GALNT18: variants seen among roughly 807,000 people sequenced by gnomAD.
The protein encoded by GALNT18 is GalNAc-transferase 18.
A neutral mutation model predicts 69.5 loss-of-function variants in GALNT18; 44 were observed. The observed-to-expected ratio is 0.63, with a 90% CI of 0.50 to 0.81. The LOEUF (loss-of-function observed/expected upper bound fraction) is 0.81. Ranked by LOEUF, GALNT18 falls within the 40% of genes least tolerant of loss-of-function variation. GALNT18 has a pLI of 0.00. For synonymous variants in GALNT18, 364 were observed against 318.2 expected, an observed-to-expected ratio of 1.14 and a Z score of -1.53; for missense variants, 715 against 810.0, an observed-to-expected ratio of 0.88 and a Z score of 1.42.
rs1273737736 is a variant in GALNT18 at position 11,602,655 on chromosome 11, GTTGT to G, written c.235+18700_235+18703del. Among the ~76,000 whole-genome samples the G allele has an allele frequency of 6.6e-6, 1 of 152,174 alleles. No individual in the cohort carries two copies. The highest frequency in any genetic ancestry group is 2.4e-5 in the African/African-American group (1 of 41,430). The stretch of plus-strand genomic sequence containing the variant: ...CAATTTCCAGGGACTTTAGATGGGT[GTTGT>G]TTAATAATTTTTACCAGTTATGTTG... On this transcript the variant is annotated intron_variant, in intron 1 of 10. Coordinates refer to ENST00000227756, the MANE Select transcript of GALNT18 (RefSeq NM_198516.3). This position sits in a 1 kb window ranked among gnomAD's most constrained non-coding sequence, Gnocchi z 4.7.
chr11:11,531,459 G>T (rs555495027), intron 1 of GALNT18, among the ~76,000 whole-genome samples: 1 of 152,316 alleles, frequency 6.6e-6, no homozygotes, highest in South Asian at 2.1e-4. Context: ...CATACGCATC[G>T]GGCTGGTTAC....
At chr11:11,509,723 T>C (rs1857132575) in intron 1 of GALNT18, among the ~76,000 whole-genome samples, 2 of 152,258 alleles carry the variant, frequency 1.3e-5, no homozygotes. Context: ...GCCTAGCCAC[T>C]GGCAGAGAGC....
chr11:11,338,225 C>G lies in GALNT18; in HGVS notation c.1278+2594G>C, dbSNP rs1412787191. On this transcript the variant is annotated intron_variant, in intron 7 of 10. Coordinates refer to ENST00000227756, the MANE Select transcript of GALNT18 (RefSeq NM_198516.3). This position sits in a 1 kb window ranked among gnomAD's most constrained non-coding sequence, Gnocchi z 5.3. ...CCAAGTGATTCACCCACCTCAGCCT[C>G]CCAAAGTGCTGGCATTACAGGCATG... Among the ~76,000 whole-genome samples, 1 of 152,176 alleles carries G rather than the reference C, an allele frequency of 6.6e-6. No individual in the cohort carries two copies. Among genetic ancestry groups the G allele is most frequent in the African/African-American group, 2.4e-5 (1 of 41,446 alleles).
chr11:11,466,753 A>C (rs1856163875), intron 1 of GALNT18, among the ~76,000 whole-genome samples: 2 of 152,192 alleles, frequency 1.3e-5, no homozygotes, highest in Admixed American at 1.3e-4. Flanking sequence ...TTTTTCTATC[A>C]GAGAGGTTGG....
Position 11,599,627 on chromosome 11 carries a change from T to G in GALNT18, c.235+21732A>C, listed in dbSNP as rs558289644. On this transcript the variant is annotated intron_variant, in intron 1 of 10. Transcript: ENST00000227756. ...TAATATTAATATAGTTGGGTTTATATCTGAAATTTTACTTTTTGTTTTCTA... is the reference window on the plus strand; with the variant it reads ...TAATATTAATATAGTTGGGTTTATAGCTGAAATTTTACTTTTTGTTTTCTA... Among the ~76,000 whole-genome samples, 5 of 152,130 alleles carry G rather than the reference T, an allele frequency of 3.3e-5. 1 individual carries two copies. The highest frequency in any genetic ancestry group is 1.2e-4 in the African/African-American group (5 of 41,552).
chr11:11,445,817 C>T (rs1314892454), intron 2 of GALNT18, among the ~76,000 whole-genome samples: 2 of 152,118 alleles, frequency 1.3e-5, no homozygotes, highest in Non-Finnish European at 2.9e-5. Flanking sequence ...TGTGGAAGCT[C>T]CACAGACTGT....
chr11:11,355,853 C>T (rs1850519395), intron 6 of GALNT18, among the ~76,000 whole-genome samples: 1 of 152,134 alleles, frequency 6.6e-6, no homozygotes, highest in African/African-American at 2.4e-5. Flanking sequence ...TGAACTTTCC[C>T]AAACTAGACA....
intron 6 of GALNT18, among the ~76,000 whole-genome samples, chr11:11,342,661 C>T (rs1483810659): frequency 6.6e-6 from 1 of 152,204 alleles, no homozygotes; most frequent in Non-Finnish European, 1.5e-5. Context: ...CTAACATCCT[C>T]ATTGAGCGTC....
At chr11:11,492,627 G>A (rs1032771669) in intron 1 of GALNT18, among the ~76,000 whole-genome samples, 1 of 151,842 alleles carries the variant, frequency 6.6e-6, no homozygotes, top group South Asian at 2.1e-4. Flanking sequence ...AACCATCATT[G>A]TCAGCAAACT....
chr11:11,522,349 C>T (rs746493895), intron 1 of GALNT18, among the ~76,000 whole-genome samples: 6 of 152,162 alleles, frequency 3.9e-5, no homozygotes, highest in African/African-American at 9.7e-5. Flanking sequence ...TTCCAGTGGC[C>T]GACAGGACTT....
chr11:11,621,439 A>C lies in GALNT18; in HGVS notation c.155T>G (p.Leu52Arg). 1.2e-6 allele frequency: 2 copies of C among 1,614,036 alleles called. No homozygotes were observed. The highest frequency in any genetic ancestry group is 1.7e-6 in the Non-Finnish European group (2 of 1,179,992). Reference protein sequence around the residue: ...RGQEPAPDKKLEEDKGDTLKI... With the variant: ...RGQEPAPDKKREEDKGDTLKI... ...CAGAGTGTCCCCTTTGTCTTCCTCC[A>C]GCTTCTTGTCGGGCGCCGGCTCCTG... Residue 52 changes from leucine (L) to arginine (R), a missense_variant, in exon 1 of 11, where the codon CTG becomes CGG. Physicochemically the swap from Leu to Arg is moderately radical, Grantham distance 102. Coordinates refer to ENST00000227756, the MANE Select transcript of GALNT18 (RefSeq NM_198516.3). This position sits in a 1 kb window ranked among gnomAD's most constrained non-coding sequence, Gnocchi z 9.3.
At chr11:11,539,988 T>C (rs908836461) in intron 1 of GALNT18, among the ~76,000 whole-genome samples, 1 of 152,090 alleles carries the variant, frequency 6.6e-6, no homozygotes, top group Non-Finnish European at 1.5e-5. Context: ...CCAGTACCAA[T>C]GGGAAATGAG....
chr11:11,325,640 G>A (rs953530449), intron 9 of GALNT18, among the ~76,000 whole-genome samples: 1 of 152,076 alleles, frequency 6.6e-6, no homozygotes, highest in Admixed American at 6.5e-5. Context: ...TTTGATCTGG[G>A]TGTATTCACT....
intron 3 of GALNT18, among the ~76,000 whole-genome samples, chr11:11,428,553 C>T (rs1855188845): frequency 6.6e-6 from 1 of 152,238 alleles, no homozygotes. Flanking sequence ...AGGAGAAAGA[C>T]AAGTCCTTTA....
chr11:11,394,880 A>G (rs1316282218), intron 3 of GALNT18, among the ~76,000 whole-genome samples: 1 of 152,204 alleles, frequency 6.6e-6, no homozygotes, highest in African/African-American at 2.4e-5. Context: ...TAGAGTAGCC[A>G]GGCCTGATGC....
Position 11,542,154 on chromosome 11 carries a change from C to A in GALNT18, c.235+79205G>T, listed in dbSNP as rs900748000. ...AGTGGGTCCATCTCAATCACTTAAG[C>A]TTATTTACTGACCATTAAAGACTTT... On this transcript the variant is annotated intron_variant, in intron 1 of 10. Coordinates refer to ENST00000227756, the MANE Select transcript of GALNT18 (RefSeq NM_198516.3). The surrounding 1 kb of genome is among the most constrained non-coding windows in gnomAD (Gnocchi z 4.3). Among the ~76,000 whole-genome samples, 3 of 152,224 alleles carry A rather than the reference C, an allele frequency of 2.0e-5. No individual in the cohort carries two copies. The highest frequency in any genetic ancestry group is 1.5e-5 in the Non-Finnish European group (1 of 68,036).
At chr11:11,452,758 CCT>C (rs1368896536) in intron 1 of GALNT18, among the ~76,000 whole-genome samples, 1 of 152,124 alleles carries the variant, frequency 6.6e-6, no homozygotes, top group Non-Finnish European at 1.5e-5. Flanking sequence ...ATACCCAGAC[CCT>C]CTGATGTCTG....
chr11:11,565,577 G>A (rs1294486149), intron 1 of GALNT18, among the ~76,000 whole-genome samples: 10 of 152,206 alleles, frequency 6.6e-5, no homozygotes, highest in Non-Finnish European at 1.5e-5. Flanking sequence ...AAGAATAGGA[G>A]AGGAGCCCCT....
At position 11,383,759 on chromosome 11, in the gene GALNT18, T is replaced by TGTTCTCATGATAGTGAGTGA. The variant is rs1853979656; in HGVS notation, c.596-4515_596-4496dup. On this transcript the variant is annotated intron_variant, in intron 3 of 10. Coordinates refer to ENST00000227756, the MANE Select transcript of GALNT18 (RefSeq NM_198516.3). The surrounding 1 kb of genome is among the most constrained non-coding windows in gnomAD (Gnocchi z 5.2). ...ATCATGGGGGCAGTTTCCCACACGC[T>TGTTCTCATGATAGTGAGTGA]GTTCTCATGATAGTGAGTGAGTTCT... Among the ~76,000 whole-genome samples, 1 of 152,220 alleles carries TGTTCTCATGATAGTGAGTGA rather than the reference T, an allele frequency of 6.6e-6. No individual in the cohort carries two copies. The highest frequency in any genetic ancestry group is 1.5e-5 in the Non-Finnish European group (1 of 68,042).
Sources: gnomAD v4.1 joint callset for allele counts (sites outside exome capture counted in the v4.1 genomes callset) on GRCh38, gnomAD v4.1.1 for gene constraint, Gnocchi (gnomAD v3.1) non-coding constraint, MANE v1.5 for transcripts, NCBI Gene and HGNC (gene_info 2026-07-23, HGNC 2026-07-21) for gene names.